CDH13: variants seen among roughly 807,000 people sequenced by gnomAD.
The protein encoded by CDH13 is cadherin 13.
A neutral mutation model predicts 63.8 loss-of-function variants in CDH13; 24 were observed. That is an observed-to-expected ratio of 0.38 (90% CI 0.27 to 0.53). The LOEUF (loss-of-function observed/expected upper bound fraction) is 0.53, where lower values mean the gene tolerates loss of function less well. CDH13 is among the 20% of genes least tolerant of loss of function. CDH13 has a pLI of 0.85. For missense variants in CDH13, 1,049 were observed against 903.1 expected, an observed-to-expected ratio of 1.16 and a Z score of -2.07; for synonymous variants, 503 against 355.3, an observed-to-expected ratio of 1.42 and a Z score of -4.67.
intron 7 of CDH13, among the ~76,000 whole-genome samples, chr16:83,526,458 A>G (rs1410897008): frequency 1.3e-5 from 2 of 152,138 alleles, no homozygotes; most frequent in Admixed American, 6.5e-5. Context: ...TCTCATAAGG[A>G]GCATGCAAGC....
intron 7 of CDH13, among the ~76,000 whole-genome samples, chr16:83,491,687 C>CT (rs1310896224): frequency 6.6e-6 from 1 of 151,762 alleles, no homozygotes; most frequent in African/African-American, 2.4e-5. Context: ...GAGCTGAGCA[C>CT]TTTTCTGTCT....
At chr16:83,213,499 C>T (rs961613463) in intron 4 of CDH13, among the ~76,000 whole-genome samples, 1 of 152,128 alleles carries the variant, frequency 6.6e-6, no homozygotes, top group Non-Finnish European at 1.5e-5. Flanking sequence ...AGATAACTAA[C>T]AGCCCGGAAG....
At chr16:82,906,102 C>G (rs564682634) in intron 2 of CDH13, among the ~76,000 whole-genome samples, 11 of 152,320 alleles carry the variant, frequency 7.2e-5, no homozygotes, top group Admixed American at 5.9e-4. Flanking sequence ...ACCTGTACAT[C>G]TATCTCTCTA....
At chr16:83,710,758 C>T (rs1200293274) in intron 10 of CDH13, among the ~76,000 whole-genome samples, 4 of 152,140 alleles carry the variant, frequency 2.6e-5, no homozygotes, top group South Asian at 2.1e-4. Flanking sequence ...CGCTTAGCAC[C>T]GTGACTGCCA....
At chr16:83,755,733 A>G (rs1293264037) in intron 11 of CDH13, among the ~76,000 whole-genome samples, 2 of 144,248 alleles carry the variant, frequency 1.4e-5, no homozygotes, top group African/African-American at 5.0e-5. Flanking sequence ...ATCAAGGTGA[A>G]TTAAAGACTT....
chr16:82,710,729 A>G (rs982156984), intron 1 of CDH13, among the ~76,000 whole-genome samples: 37 of 146,558 alleles, frequency 2.5e-4, no homozygotes, highest in South Asian at 2.1e-4. Flanking sequence ...TATGTTTATA[A>G]AATATTAGAA....
At chr16:82,997,978 G>A (rs948879396) in intron 2 of CDH13, among the ~76,000 whole-genome samples, 1 of 152,144 alleles carries the variant, frequency 6.6e-6, no homozygotes, top group Non-Finnish European at 1.5e-5. Flanking sequence ...TAGAAACTCT[G>A]TATAGAAGAT....
At chr16:83,089,734 A>G (rs929856202) in intron 3 of CDH13, among the ~76,000 whole-genome samples, 2 of 152,188 alleles carry the variant, frequency 1.3e-5, no homozygotes, top group Non-Finnish European at 2.9e-5. Context: ...ACTTTGCTAT[A>G]AGGGCTACAC....
intron 2 of CDH13, among the ~76,000 whole-genome samples, chr16:82,924,522 G>A (rs370861962): frequency 4.6e-5 from 7 of 152,236 alleles, no homozygotes; most frequent in South Asian, 2.1e-4. Context: ...CTGCACTGCC[G>A]CTTGTTACTT....
intron 10 of CDH13, among the ~76,000 whole-genome samples, chr16:83,682,063 A>G (rs540792829): frequency 6.6e-6 from 1 of 152,296 alleles, no homozygotes; most frequent in South Asian, 2.1e-4. Context: ...TTGACTGCTG[A>G]TGTGATACCT....
chr16:82,662,693 G>C (rs1335118464), intron 1 of CDH13, among the ~76,000 whole-genome samples: 5 of 152,220 alleles, frequency 3.3e-5, no homozygotes, highest in Non-Finnish European at 1.5e-5. Flanking sequence ...TAATCTTTGA[G>C]TCGATAACAG....
intron 4 of CDH13, among the ~76,000 whole-genome samples, chr16:83,165,659 A>G (rs80197607): frequency 0.018 from 2,776 of 152,168 alleles, 66 homozygotes; most frequent in South Asian, 0.034. Flanking sequence ...TAAGAAGCAA[A>G]TAACAGTGAC....
At chr16:83,747,443 G>A (rs539364883) in intron 10 of CDH13, among the ~76,000 whole-genome samples, 33 of 152,222 alleles carry the variant, frequency 2.2e-4, no homozygotes, top group Admixed American at 3.9e-4. Flanking sequence ...CCATGATTGC[G>A]AGGCCTCCTT....
At chr16:83,013,422 C>G (rs1040777330) in intron 2 of CDH13, among the ~76,000 whole-genome samples, 1 of 152,272 alleles carries the variant, frequency 6.6e-6, no homozygotes, top group Non-Finnish European at 1.5e-5. Flanking sequence ...GTTAGCAGAG[C>G]AGCCTTCTTT....
intron 6 of CDH13, among the ~76,000 whole-genome samples, chr16:83,385,812 C>A (rs1224899957): frequency 6.6e-6 from 1 of 152,118 alleles, no homozygotes; most frequent in Non-Finnish European, 1.5e-5. Context: ...CCGGCATGTC[C>A]CACTATCTCC....
chr16:83,680,901 A>C (rs943570605), intron 10 of CDH13, among the ~76,000 whole-genome samples: 7 of 151,922 alleles, frequency 4.6e-5, no homozygotes, highest in Non-Finnish European at 1.0e-4. Flanking sequence ...CCTTCTCTAT[A>C]TCTGGCTCTG....
intron 1 of CDH13, among the ~76,000 whole-genome samples, chr16:82,837,744 C>T (rs902997075): frequency 6.6e-6 from 1 of 152,174 alleles, no homozygotes; most frequent in African/African-American, 2.4e-5. Context: ...GAGCTGGTCA[C>T]GTAGACAGCC....
At chr16:83,354,681 T>A (rs2091019356) in intron 6 of CDH13, among the ~76,000 whole-genome samples, 1 of 152,106 alleles carries the variant, frequency 6.6e-6, no homozygotes, top group Non-Finnish European at 1.5e-5. Flanking sequence ...GAAAGGATGT[T>A]CCAGACGCAG....
At chr16:83,323,106 G>A (rs549655262) in intron 5 of CDH13, among the ~76,000 whole-genome samples, 1 of 151,874 alleles carries the variant, frequency 6.6e-6, no homozygotes, top group Non-Finnish European at 1.5e-5. Context: ...GAATCAATCA[G>A]CTACACCTGT....
Sources: gnomAD v4.1 joint callset for allele counts (sites outside exome capture counted in the v4.1 genomes callset) on GRCh38, gnomAD v4.1.1 for gene constraint, MANE v1.5 for transcripts, NCBI Gene and HGNC (gene_info 2026-07-23, HGNC 2026-07-21) for gene names.